Variants in GRM5 observed in about 807,000 individuals in gnomAD.
GRM5 encodes the protein metabotropic glutamate receptor 5.
GRM5 carries 19 observed loss-of-function variants against 83.1 expected under a neutral mutation model. The observed-to-expected ratio is 0.23, with a 90% confidence interval of 0.16 to 0.34. The LOEUF (loss-of-function observed/expected upper bound fraction) is 0.34. GRM5 is among the 10% of genes least tolerant of loss of function. GRM5 has a pLI of 1.00. For synonymous variants in GRM5, 675 were observed against 633.6 expected (o/e 1.07, Z -0.98); for missense variants, 1,160 against 1,588.3 (o/e 0.73, Z 4.58).
intron 3 of GRM5, among the ~76,000 whole-genome samples, chr11:88,748,469 G>A (rs898353259): frequency 6.6e-6 from 1 of 152,114 alleles, no homozygotes; most frequent in Non-Finnish European, 1.5e-5. Context: ...CAGGGGGAGG[G>A]GTAGCCATCA....
chr11:88,862,141 C>G (rs1407968278), intron 2 of GRM5, among the ~76,000 whole-genome samples: 1 of 152,158 alleles, frequency 6.6e-6, no homozygotes, highest in African/African-American at 2.4e-5. Context: ...GACAGCACAG[C>G]TTAGTCACAA....
At chr11:88,780,450 T>TA (rs1591510952) in intron 3 of GRM5, among the ~76,000 whole-genome samples, 1 of 152,194 alleles carries the variant, frequency 6.6e-6, no homozygotes, top group African/African-American at 2.4e-5. Context: ...AAGCTGCCGT[T>TA]ACGTTTTATG....
At chr11:88,724,984 C>G (rs1031786796) in intron 3 of GRM5, among the ~76,000 whole-genome samples, 3 of 152,124 alleles carry the variant, frequency 2.0e-5, no homozygotes, top group Admixed American at 6.5e-5. Flanking sequence ...GCCATTTGGG[C>G]AGACAGTGAG....
chr11:88,839,736 G>C (rs1401699827), intron 3 of GRM5, among the ~76,000 whole-genome samples: 2 of 152,176 alleles, frequency 1.3e-5, no homozygotes, highest in Admixed American at 6.5e-5. Flanking sequence ...ATGTTACACA[G>C]TCAAATATCT....
At chr11:88,516,500 A>T (rs74352256) in intron 9 of GRM5, among the ~76,000 whole-genome samples, 1 of 152,292 alleles carries the variant, frequency 6.6e-6, no homozygotes, top group South Asian at 2.1e-4. Flanking sequence ...GTAAGATAAA[A>T]GTTGTCCCAG....
intron 8 of GRM5, among the ~76,000 whole-genome samples, chr11:88,560,108 G>A (rs1942719936): frequency 6.6e-6 from 1 of 152,056 alleles, no homozygotes; most frequent in Non-Finnish European, 1.5e-5. Flanking sequence ...GGCAGGGGGT[G>A]GCCAGAAGCA....
At chr11:88,521,213 C>T (rs369643870) in intron 9 of GRM5, among the ~76,000 whole-genome samples, 5 of 152,020 alleles carry the variant, frequency 3.3e-5, no homozygotes, top group East Asian at 1.9e-4. Context: ...GTCAAGAGTT[C>T]GAGACTAGCC....
chr11:88,691,624 T>A (rs925903453), intron 3 of GRM5, among the ~76,000 whole-genome samples: 2 of 152,164 alleles, frequency 1.3e-5, no homozygotes, highest in Non-Finnish European at 2.9e-5. Context: ...AATCTCAACA[T>A]CTACTTTCAT....
At chr11:88,628,713 G>T (rs546924530) in intron 4 of GRM5, among the ~76,000 whole-genome samples, 66 of 152,280 alleles carry the variant, frequency 4.3e-4, no homozygotes, top group Non-Finnish European at 8.5e-4. Context: ...TCAAGTCAGG[G>T]TAATTAACAG....
At chr11:88,894,457 T>C (rs1022441305) in intron 2 of GRM5, among the ~76,000 whole-genome samples, 2 of 152,028 alleles carry the variant, frequency 1.3e-5, no homozygotes, top group African/African-American at 4.8e-5. Flanking sequence ...CCTGGGTTTA[T>C]ACCACAGACA....
At chr11:88,986,407 C>T (rs1939711793) in intron 2 of GRM5, among the ~76,000 whole-genome samples, 1 of 152,084 alleles carries the variant, frequency 6.6e-6, no homozygotes, top group Non-Finnish European at 1.5e-5. Flanking sequence ...GGTGATGGAA[C>T]ACTTCTCTTT....
At chr11:88,845,720 A>C (rs1944293465) in intron 3 of GRM5, among the ~76,000 whole-genome samples, 5 of 100,494 alleles carry the variant, frequency 5.0e-5, no homozygotes, top group African/African-American at 2.0e-4. Flanking sequence ...GGCATGAACC[A>C]CCGCGCCCCC....
intron 3 of GRM5, among the ~76,000 whole-genome samples, chr11:88,727,430 T>C (rs558029184): frequency 2.6e-5 from 4 of 152,206 alleles, no homozygotes; most frequent in South Asian, 2.1e-4. Context: ...TCAAACGCAA[T>C]AATAGTGGAA....
At chr11:88,785,116 A>G (rs1943043246) in intron 3 of GRM5, among the ~76,000 whole-genome samples, 2 of 152,098 alleles carry the variant, frequency 1.3e-5, no homozygotes, top group South Asian at 4.1e-4. Context: ...TGTATTCTGC[A>G]GAGGCTTGTC....
chr11:88,845,694 A>C (rs1374237160), intron 3 of GRM5, among the ~76,000 whole-genome samples: 1 of 150,576 alleles, frequency 6.6e-6, no homozygotes, highest in East Asian at 1.9e-4. Flanking sequence ...CTGCCTCCCA[A>C]AGTGCTGGGA....
rs1271982510 is a variant in GRM5 at position 89,061,671 on chromosome 11, C to T, written c.-201+4105G>A. Among the ~76,000 whole-genome samples, 5 of 152,148 alleles carry T rather than the reference C, an allele frequency of 3.3e-5. 1 individual carries two copies. The highest frequency in any genetic ancestry group is 3.3e-4 in the Admixed American group (5 of 15,274). On this transcript the variant is annotated intron_variant, in intron 1 of 9. Transcript: ENST00000305447. Reference sequence around the variant, plus strand: ...TTTCAATTTCCCCCTGGGTGTTTGTCATCATGTCCATAAGGTATACTATAA... The same window carrying T: ...TTTCAATTTCCCCCTGGGTGTTTGTTATCATGTCCATAAGGTATACTATAA...
At chr11:88,979,286 T>C (rs1172594571) in intron 2 of GRM5, among the ~76,000 whole-genome samples, 4 of 152,202 alleles carry the variant, frequency 2.6e-5, no homozygotes. Context: ...TATCATGATT[T>C]CATAACGCCG....
At chr11:88,968,907 G>T (rs1270965605) in intron 2 of GRM5, among the ~76,000 whole-genome samples, 1 of 152,078 alleles carries the variant, frequency 6.6e-6, no homozygotes, top group Non-Finnish European at 1.5e-5. Context: ...GCTGTGGATA[G>T]CCAGGATCGG....
intron 4 of GRM5, among the ~76,000 whole-genome samples, chr11:88,647,661 A>G (rs538043868): frequency 1.5e-3 from 228 of 152,280 alleles, no homozygotes; most frequent in African/African-American, 5.3e-3. Flanking sequence ...ATGGGATCTA[A>G]TTAAACTCAA....
Sources: allele counts gnomAD v4.1 joint callset (sites outside exome capture counted in the v4.1 genomes callset), GRCh38; gene constraint gnomAD v4.1.1; transcripts MANE v1.5; gene names NCBI Gene and HGNC (gene_info 2026-07-23, HGNC 2026-07-21).